The following SCN11A variants were observed in gnomAD, a reference collection of about 807,000 sequenced individuals.
SCN11A encodes sodium voltage-gated channel alpha subunit 11.
In SCN11A, 122 loss-of-function variants were observed where a neutral mutation model predicts 162.2. The ratio of observed to expected loss-of-function variants is 0.75; its 90% CI spans 0.65 to 0.87. The LOEUF is 0.87. SCN11A is among the 40% of genes least tolerant of loss of function. The probability of loss-of-function intolerance (pLI) is 0.00; values close to 1 mark genes in which losing one functional copy is unlikely to be tolerated. For synonymous variants in SCN11A, 758 were observed against 751.5 expected (o/e 1.01, Z -0.14); for missense variants, 2,015 against 2,181.6 (o/e 0.92, Z 1.52).
chr3:38,934,090 A>AT (rs1300446385), intron 7 of SCN11A, among the ~76,000 whole-genome samples: 1 of 152,220 alleles, frequency 6.6e-6, no homozygotes, highest in Non-Finnish European at 1.5e-5. Flanking sequence ...AAAGAAAAGA[A>AT]TTTTCAACCC....
chr3:38,926,725 C>A, intron 8 of SCN11A, 78 bp downstream of exon 8: 1 of 1,437,666 alleles, frequency 7.0e-7, no homozygotes, highest in Non-Finnish European at 9.6e-7. Flanking sequence ...TCAAATGGAT[C>A]CACACAGAGC....
intron 2 of SCN11A, among the ~76,000 whole-genome samples, chr3:38,993,479 C>T (rs192099315): frequency 2.3e-4 from 35 of 152,320 alleles, no homozygotes; most frequent in Admixed American, 2.0e-3. Context: ...TTTCCAATCA[C>T]ATACTTTCAT....
intron 4 of SCN11A, among the ~76,000 whole-genome samples, chr3:38,950,754 C>G (rs939368406): frequency 6.6e-6 from 1 of 152,220 alleles, no homozygotes; most frequent in African/African-American, 2.4e-5. Flanking sequence ...GGCAAGTGGC[C>G]ACATGGCCCA....
intron 2 of SCN11A, among the ~76,000 whole-genome samples, chr3:38,966,971 T>C (rs2066786526): frequency 1.3e-5 from 2 of 152,154 alleles, no homozygotes. Context: ...GAAACAGGAT[T>C]GAAGGAATGA....
chr3:38,897,681 A>C (rs940576300), intron 17 of SCN11A, among the ~76,000 whole-genome samples: 5 of 149,878 alleles, frequency 3.3e-5, no homozygotes, highest in African/African-American at 7.4e-5. Flanking sequence ...GCGCCATTGC[A>C]CTCCAGCCTG....
chr3:39,051,041 T>A (rs1180157995), intron 1 of SCN11A, among the ~76,000 whole-genome samples: 2 of 152,090 alleles, frequency 1.3e-5, no homozygotes, highest in Non-Finnish European at 2.9e-5. Context: ...GTATAAGAGA[T>A]GATTTAAACT....
chr3:38,865,938 T>C lies in SCN11A; in HGVS notation c.3951+1383A>G, dbSNP rs115162398. Among the ~76,000 whole-genome samples, 981 of 152,304 alleles carry C rather than the reference T, an allele frequency of 6.4e-3. 12 individuals carry two copies. The highest frequency in any genetic ancestry group is 0.021 in the African/African-American group (876 of 41,586). The stretch of plus-strand genomic sequence containing the variant: ...TAGAATGATGAGATCTCAGTAACCA[T>C]GCATTTTCATATTCTGCAGAATAAG... On this transcript the variant is annotated intron_variant, in intron 27 of 29. Transcript: ENST00000302328.
chr3:39,000,195 T>C (rs1461979681), intron 2 of SCN11A, among the ~76,000 whole-genome samples: 3 of 152,224 alleles, frequency 2.0e-5, no homozygotes, highest in African/African-American at 4.8e-5. Flanking sequence ...GGCAATACAT[T>C]GCATGTAGTC....
intron 23 of SCN11A, among the ~76,000 whole-genome samples, chr3:38,877,041 T>C (rs2065220748): frequency 3.4e-5 from 1 of 29,568 alleles, no homozygotes; most frequent in African/African-American, 1.0e-4. Flanking sequence ...GGTATATATA[T>C]GGTGTATATA....
At chr3:38,982,769 G>A (rs2030104341) in intron 2 of SCN11A, among the ~76,000 whole-genome samples, 1 of 152,154 alleles carries the variant, frequency 6.6e-6, no homozygotes, top group Admixed American at 6.6e-5. Context: ...GGAAAACCAG[G>A]AAGGAAGAAC....
At chr3:39,007,430 T>C (rs554858558) in intron 2 of SCN11A, among the ~76,000 whole-genome samples, 1 of 152,232 alleles carries the variant, frequency 6.6e-6, no homozygotes, top group Non-Finnish European at 1.5e-5. Context: ...GAGAGTCTTC[T>C]TTCATGTTAA....
intron 28 of SCN11A, among the ~76,000 whole-genome samples, chr3:38,862,384 C>G (rs1401499690): frequency 6.6e-6 from 1 of 152,132 alleles, no homozygotes; most frequent in Non-Finnish European, 1.5e-5. Context: ...AATCTCACTA[C>G]TAGGTACCTA....
chr3:39,046,189 G>A (rs1575373251), intron 1 of SCN11A, among the ~76,000 whole-genome samples: 1 of 152,132 alleles, frequency 6.6e-6, no homozygotes, highest in African/African-American at 2.4e-5. Flanking sequence ...GAATCTGGGA[G>A]GTGGAGGTTG....
intron 28 of SCN11A, among the ~76,000 whole-genome samples, chr3:38,857,768 G>C (rs2064894345): frequency 6.6e-6 from 1 of 152,042 alleles, no homozygotes; most frequent in African/African-American, 2.4e-5. Flanking sequence ...AACCTATAAA[G>C]GAAAACCTAT....
At chr3:38,877,047 ATATACTATATATATGGTATATATATG>A (rs2065221437) in intron 23 of SCN11A, among the ~76,000 whole-genome samples, 1 of 38,810 alleles carries the variant, frequency 2.6e-5, no homozygotes, top group Non-Finnish European at 6.6e-5. Context: ...TATATGGTGT[ATATACTATATATATGGTATATATATG>A]GTGTATATAC....
chr3:39,031,537 AC>A (rs200471984), intron 2 of SCN11A, among the ~76,000 whole-genome samples: 43 of 130,684 alleles, frequency 3.3e-4, no homozygotes, highest in African/African-American at 7.5e-4. Flanking sequence ...CAAAAAACAA[AC>A]AAACAAAAAA....
At chr3:39,007,027 G>A (rs1283011452) in intron 2 of SCN11A, among the ~76,000 whole-genome samples, 1 of 151,990 alleles carries the variant, frequency 6.6e-6, no homozygotes, top group Non-Finnish European at 1.5e-5. Context: ...AAGAATTTAA[G>A]TGAAACTATT....
At chr3:38,940,791 T>C (rs1037558564) in intron 7 of SCN11A, among the ~76,000 whole-genome samples, 2 of 152,052 alleles carry the variant, frequency 1.3e-5, no homozygotes, top group African/African-American at 4.8e-5. Flanking sequence ...TCCACGGGCA[T>C]AGAGGAAAGT....
chr3:38,901,546 G>T (rs1287663381), intron 16 of SCN11A, among the ~76,000 whole-genome samples: 1 of 152,138 alleles, frequency 6.6e-6, no homozygotes, highest in Admixed American at 6.6e-5. Context: ...ATGGCTTCTT[G>T]GCATTCAGTG....
Sources: allele counts gnomAD v4.1 joint callset (sites outside exome capture counted in the v4.1 genomes callset), GRCh38; gene constraint gnomAD v4.1.1; transcripts MANE v1.5; gene names NCBI Gene and HGNC (gene_info 2026-07-23, HGNC 2026-07-21).